The following PRDM16 variants were observed in gnomAD, a reference collection of about 807,000 sequenced individuals.
PRDM16 encodes PR/SET domain 16.
PRDM16 carries 23 observed loss-of-function variants against 110.6 expected under a neutral mutation model. The ratio of observed to expected loss-of-function variants is 0.21; its 90% confidence interval spans 0.15 to 0.29. The LOEUF (loss-of-function observed/expected upper bound fraction) is 0.29, where lower values mean the gene tolerates loss of function less well. PRDM16 is among the 10% of genes least tolerant of loss of function. PRDM16 has a pLI of 1.00. For synonymous variants in PRDM16, 799 were observed against 781.8 expected (o/e 1.02, Z -0.37); for missense variants, 1,615 against 1,794.3 (o/e 0.90, Z 1.81).
At chr1:3,418,632 T>A in intron 11 of PRDM16, 35 bp from the exon 12 acceptor site, 1 of 1,446,550 alleles carries the variant, frequency 6.9e-7, no homozygotes, top group Non-Finnish European at 9.7e-7. Flanking sequence ...CCCACCCTAA[T>A]CCTCCCTCAC....
At chr1:3,386,369 T>C (rs947832571) in intron 4 of PRDM16, among the ~76,000 whole-genome samples, 1 of 152,230 alleles carries the variant, frequency 6.6e-6, no homozygotes, top group Admixed American at 6.5e-5. Flanking sequence ...CAATTTTGCA[T>C]TAAGAAATGC....
intron 3 of PRDM16, among the ~76,000 whole-genome samples, chr1:3,327,300 C>A (rs1641935141): frequency 6.6e-6 from 1 of 152,174 alleles, no homozygotes; most frequent in African/African-American, 2.4e-5. Context: ...GAGGCGGCAC[C>A]ACAGGCCGGC....
At chr1:3,171,930 C>A (rs1053553953) in intron 1 of PRDM16, among the ~76,000 whole-genome samples, 1 of 152,074 alleles carries the variant, frequency 6.6e-6, no homozygotes. Context: ...AGGTGCAAGC[C>A]CCCCGGCCTC....
rs1643591052 is a variant in PRDM16, at chr1:3,143,497, A to G, written c.38-42628A>G. Reference sequence around the variant, plus strand: ...TAGTATTATTATTATCATTTTTGTGAGATGGAGTCTTGCTCTGTCACCCAG... The same window carrying G: ...TAGTATTATTATTATCATTTTTGTGGGATGGAGTCTTGCTCTGTCACCCAG... On this transcript the variant is annotated intron_variant, in intron 1 of 16. Coordinates refer to ENST00000270722, the MANE Select transcript of PRDM16 (RefSeq NM_022114.4). The surrounding 1 kb of genome is among the most constrained non-coding windows in gnomAD (Gnocchi z 4.5). Among the ~76,000 whole-genome samples the G allele has an allele frequency of 6.6e-6, 1 of 152,132 alleles. No individual in the cohort carries two copies. The highest frequency in any genetic ancestry group is 2.4e-5 in the African/African-American group (1 of 41,406).
chr1:3,417,330 A>G (rs1307792535), intron 10 of PRDM16, among the ~76,000 whole-genome samples: 2 of 152,228 alleles, frequency 1.3e-5, no homozygotes, highest in Non-Finnish European at 2.9e-5. Flanking sequence ...CCCACAATCT[A>G]TGCTTTAAAC....
chr1:3,282,288 G>C (rs886867019), intron 3 of PRDM16, among the ~76,000 whole-genome samples: 1 of 152,214 alleles, frequency 6.6e-6, no homozygotes, highest in Non-Finnish European at 1.5e-5. Flanking sequence ...CCAGACACAG[G>C]CTGGCCCTGC....
chr1:3,230,790 C>T (rs898158328), intron 2 of PRDM16, among the ~76,000 whole-genome samples: 10 of 152,226 alleles, frequency 6.6e-5, no homozygotes, highest in African/African-American at 1.9e-4. Context: ...CACACCTGCC[C>T]GGTGCGACCG....
intron 1 of PRDM16, among the ~76,000 whole-genome samples, chr1:3,170,227 C>T (rs541836721): frequency 3.8e-4 from 58 of 152,346 alleles, no homozygotes; most frequent in African/African-American, 1.3e-3. Context: ...GCACCTGCAG[C>T]CTGGCTGCTT....
chr1:3,282,731 T>G (rs528295233), intron 3 of PRDM16, among the ~76,000 whole-genome samples: 2 of 152,240 alleles, frequency 1.3e-5, no homozygotes, highest in South Asian at 4.2e-4. Flanking sequence ...CCGAAGCTCC[T>G]CAGGCAGCTT....
chr1:3,378,958 A>G (rs1054805447), intron 3 of PRDM16, among the ~76,000 whole-genome samples: 2 of 151,922 alleles, frequency 1.3e-5, no homozygotes, highest in African/African-American at 4.8e-5. Context: ...TGGACCCTCC[A>G]TGCTGGGACA....
chr1:3,358,585 C>T lies in PRDM16; in HGVS notation c.439-26567C>T, dbSNP rs12748963. 0.16 allele frequency among the ~76,000 whole-genome samples: 24,437 copies of T among 152,182 alleles called. 2,645 individuals carry two copies. The highest frequency in any genetic ancestry group is 0.38 in the South Asian group (1,840 of 4,822). Reference sequence around the variant, plus strand: ...CCACTGGGGCCGGAAGAGGAGCTCTCGGACCCCTCCCTCCTGCCCTCAGCC... The same window carrying T: ...CCACTGGGGCCGGAAGAGGAGCTCTTGGACCCCTCCCTCCTGCCCTCAGCC... On this transcript the variant is annotated intron_variant, in intron 3 of 16. Transcript: ENST00000270722. This position sits in a 1 kb window ranked among gnomAD's most constrained non-coding sequence, Gnocchi z 4.0.
chr1:3,200,261 A>G (rs1638586740), intron 2 of PRDM16, among the ~76,000 whole-genome samples: 1 of 152,160 alleles, frequency 6.6e-6, no homozygotes, highest in Non-Finnish European at 1.5e-5. Context: ...ATGGGGGCTG[A>G]AGCCTGCACA....
chr1:3,281,434 A>G (rs980877046), intron 3 of PRDM16, among the ~76,000 whole-genome samples: 7 of 152,246 alleles, frequency 4.6e-5, no homozygotes, highest in African/African-American at 1.7e-4. Flanking sequence ...GCCTGCCAAT[A>G]AAACACCAAT....
At chr1:3,138,459 G>A (rs774900870) in intron 1 of PRDM16, among the ~76,000 whole-genome samples, 3 of 152,314 alleles carry the variant, frequency 2.0e-5, no homozygotes, top group South Asian at 2.1e-4. Context: ...TGGGGTCTCC[G>A]TCCAGTCTCT....
chr1:3,156,744 C>T (rs1643863110), intron 1 of PRDM16, among the ~76,000 whole-genome samples: 2 of 152,240 alleles, frequency 1.3e-5, no homozygotes, highest in Non-Finnish European at 2.9e-5. Flanking sequence ...AGCCCCTGCC[C>T]GGCTCAAGCA....
rs1009966467 is a variant in PRDM16, at chr1:3,194,011, G to A, written c.387+7537G>A. ...CCCCTCTGGCATCAGGCATGTGAAA[G>A]CTCCCAGGAGATCCTAATTTACGGC... On this transcript the variant is annotated intron_variant, in intron 2 of 16. Coordinates refer to ENST00000270722, the MANE Select transcript of PRDM16 (RefSeq NM_022114.4). Among the ~76,000 whole-genome samples, 4 of 152,246 alleles carry A rather than the reference G, an allele frequency of 2.6e-5. No homozygotes were observed. The East Asian group carries it at 5.8e-4, about 22-fold the overall frequency.
At chr1:3,126,770 G>T (rs997533764) in intron 1 of PRDM16, among the ~76,000 whole-genome samples, 6 of 152,206 alleles carry the variant, frequency 3.9e-5, no homozygotes, top group Admixed American at 2.0e-4. Flanking sequence ...GGTGCCCATC[G>T]CCAGTGATGG....
chr1:3,137,204 C>T (rs1323338073), intron 1 of PRDM16, among the ~76,000 whole-genome samples: 2 of 152,218 alleles, frequency 1.3e-5, no homozygotes, highest in Non-Finnish European at 1.5e-5. Context: ...TTCCAGGGAC[C>T]GAGAGCAGGG....
intron 14 of PRDM16, among the ~76,000 whole-genome samples, chr1:3,427,851 A>G (rs1384284028): frequency 6.6e-6 from 1 of 152,116 alleles, no homozygotes; most frequent in Non-Finnish European, 1.5e-5. Context: ...GGCATTCCCC[A>G]GTGGGCTCCA....
Sources: allele counts gnomAD v4.1 joint callset (sites outside exome capture counted in the v4.1 genomes callset), GRCh38; gene constraint gnomAD v4.1.1; non-coding constraint Gnocchi (gnomAD v3.1); transcripts MANE v1.5; gene names NCBI Gene and HGNC (gene_info 2026-07-23, HGNC 2026-07-21).